Variants in SLK observed in about 807,000 individuals in gnomAD.
SLK encodes the protein STE20-like serine/threonine-protein kinase.
In SLK, 67 loss-of-function variants were observed where a neutral mutation model predicts 147.7. That is an observed-to-expected ratio of 0.45 (90% CI 0.37 to 0.56). The LOEUF is 0.56. Ranked by LOEUF, SLK falls within the 20% of genes least tolerant of loss-of-function variation. The pLI is 0.00. For missense variants in SLK, 1,136 were observed against 1,438.8 expected (o/e 0.79, Z 3.41); for synonymous variants, 441 against 475.0 (o/e 0.93, Z 0.93).
chr10:103,986,800 T>G (rs571082110), intron 1 of SLK, among the ~76,000 whole-genome samples: 1 of 150,270 alleles, frequency 6.7e-6, no homozygotes, highest in South Asian at 2.1e-4. Context: ...TGCCTCAGGC[T>G]CCCAAGTAGT....
chr10:104,006,072 G>A (rs779085024), intron 11 of SLK, 37 bp downstream of exon 11: 1 of 1,585,334 alleles, frequency 6.3e-7, no homozygotes, highest in African/African-American at 1.4e-5. Context: ...ATATCATTTT[G>A]TGTTAATAAT....
At chr10:104,021,254 G>C (rs1350111447) in intron 17 of SLK, among the ~76,000 whole-genome samples, 1 of 152,190 alleles carries the variant, frequency 6.6e-6, no homozygotes, top group African/African-American at 2.4e-5. Flanking sequence ...TACAGGAATA[G>C]ATCTATTAGG....
At chr10:104,018,945 T>C in intron 15 of SLK, 37 bp downstream of exon 15, 1 of 1,539,046 alleles carries the variant, frequency 6.5e-7, no homozygotes. Flanking sequence ...TTTTTGTTCG[T>C]TTTAAAGTTT....
intron 18 of SLK, among the ~76,000 whole-genome samples, chr10:104,024,188 G>A (rs565295250): frequency 3.3e-4 from 51 of 152,240 alleles, no homozygotes; most frequent in African/African-American, 1.2e-3. Flanking sequence ...TTTTCATAAT[G>A]TGTCTCCTTT....
intron 16 of SLK, among the ~76,000 whole-genome samples, chr10:104,020,225 G>C (rs1844517095): frequency 1.3e-5 from 2 of 152,126 alleles, no homozygotes; most frequent in South Asian, 4.1e-4. Context: ...CAAGATATAT[G>C]GCCTCACTGT....
intron 13 of SLK, among the ~76,000 whole-genome samples, chr10:104,017,200 C>T (rs909823617): frequency 1.3e-5 from 2 of 152,010 alleles, no homozygotes; most frequent in African/African-American, 2.4e-5. Flanking sequence ...TTAGTGAATC[C>T]GAAACATGTT....
chr10:104,018,149 G>GT lies in SLK; in HGVS notation c.2878-6dup. 6.3e-7 allele frequency: 1 copy of GT among 1,590,236 alleles called. No individual in the cohort carries two copies. Among genetic ancestry groups the GT allele is most frequent in the Non-Finnish European group, 8.6e-7 (1 of 1,168,734 alleles). On this transcript the variant is annotated splice_polypyrimidine_tract_variant and intron_variant, in intron 13 of 18. Transcript: ENST00000369755. ...GATACTTATTAACTGACAATTAACT[G>GT]TTTTTAATAGGAACAAGAGTTTGTT...
At chr10:104,006,409 T>G (rs948354833) in intron 11 of SLK, among the ~76,000 whole-genome samples, 7 of 152,326 alleles carry the variant, frequency 4.6e-5, no homozygotes, top group South Asian at 2.1e-4. Flanking sequence ...TAAGCCAGTT[T>G]AGAGCAATTG....
At position 104,010,860 on chromosome 10, in the gene SLK, G is replaced by C; in HGVS notation, c.2829G>C (p.Glu943Asp). 6.3e-7 allele frequency: 1 copy of C among 1,599,342 alleles called. No homozygotes were observed. The highest frequency in any genetic ancestry group is 8.5e-7 in the Non-Finnish European group (1 of 1,175,864). Residue 943 changes from glutamate (E) to aspartate (D), a missense_variant, in exon 13 of 19, where the codon GAG becomes GAC. Glu to Asp is a conservative substitution (Grantham distance 45, BLOSUM62 2). Coordinates refer to ENST00000369755, the MANE Select transcript of SLK (RefSeq NM_014720.4). ...AAGCACCCAAAGAGCTGAGAAAAGA[G>C]CTCATGAAACGCAGGAAAGAGGAGC... ...VEKAPKELRK[E>D]LMKRRKEELA...
intron 13 of SLK, among the ~76,000 whole-genome samples, chr10:104,013,041 A>C (rs1457261819): frequency 6.6e-6 from 1 of 152,236 alleles, no homozygotes; most frequent in Non-Finnish European, 1.5e-5. Flanking sequence ...AGTAGAGCTG[A>C]AAGTAATCAT....
At chr10:104,021,457 A>T (rs983678732) in intron 17 of SLK, among the ~76,000 whole-genome samples, 163 bp from the exon 18 acceptor site, 25 of 152,368 alleles carry the variant, frequency 1.6e-4, no homozygotes, top group African/African-American at 6.0e-4. Context: ...TGAAGCTATG[A>T]TTCATTTCCT....
intron 1 of SLK, among the ~76,000 whole-genome samples, chr10:103,974,276 C>T (rs1843830674): frequency 6.6e-6 from 1 of 151,934 alleles, no homozygotes; most frequent in Non-Finnish European, 1.5e-5. Context: ...CTTACTTGAC[C>T]TGTCATTACC....
At chr10:104,008,817 T>C (rs1844362750) in intron 12 of SLK, among the ~76,000 whole-genome samples, 1 of 152,236 alleles carries the variant, frequency 6.6e-6, no homozygotes, top group African/African-American at 2.4e-5. Context: ...TTTTCATCTT[T>C]AATTCATACT....
chr10:103,974,826 A>ATTTTTTTT lies in SLK; in HGVS notation c.150+6948_150+6955dup, dbSNP rs749565693. The ATTTTTTTT allele has an allele frequency of 3.6e-3, 202 of 55,484 alleles. 39 individuals carry two copies. The highest frequency in any genetic ancestry group is 0.017 in the Middle Eastern group (1 of 60). 3.4% of individuals were successfully genotyped at this position (55,484 alleles called of 1,614,324 possible). A position where few individuals can be genotyped will look rare whatever the true frequency, so the allele number is the denominator to read the frequency against. On this transcript the variant is annotated intron_variant, in intron 1 of 18. Coordinates refer to ENST00000369755, the MANE Select transcript of SLK (RefSeq NM_014720.4). ...CTACCACGCCCGGCTAATTTTTTCT[A>ATTTTTTTT]TTTTTTTTTTTTTTTTTTTTTTTTA... is the stretch of plus-strand genomic sequence containing the variant.
chr10:103,986,388 C>A (rs924500547), intron 1 of SLK, among the ~76,000 whole-genome samples: 1 of 152,108 alleles, frequency 6.6e-6, no homozygotes, highest in African/African-American at 2.4e-5. Flanking sequence ...AACCTAGATC[C>A]CTCACATACG....
At chr10:104,021,522 A>C in intron 17 of SLK, 98 bp from the exon 18 acceptor site, 1 of 656,074 alleles carries the variant, frequency 1.5e-6, no homozygotes, top group Non-Finnish European at 2.7e-6. Flanking sequence ...TAATAGCATG[A>C]TATTTGATGA....
At position 104,010,085 on chromosome 10, in the gene SLK, G is replaced by A. The variant is rs571376997; in HGVS notation, c.2785-731G>A. ...GGAGCTCTAAAATGTACTTCATTCT[G>A]TATTTTATCTGCTATAATAAATCAT... On this transcript the variant is annotated intron_variant, in intron 12 of 18. Transcript: ENST00000369755. Among the ~76,000 whole-genome samples, 163 of 152,174 alleles carry A rather than the reference G, an allele frequency of 1.1e-3. 2 individuals are homozygous for A. Among genetic ancestry groups the A allele is most frequent in the Middle Eastern group, 3.4e-3 (1 of 294 alleles).
rs1844209349 is a variant in SLK at position 103,998,899 on chromosome 10, C to T, written c.515C>T (p.Ala172Val). 8 of 1,606,766 alleles carry T rather than the reference C, an allele frequency of 5.0e-6. No homozygotes were observed. The highest frequency in any genetic ancestry group is 4.5e-5 in the East Asian group (2 of 44,770). Residue 172 changes from alanine to valine, a missense_variant and splice_region_variant, in exon 5 of 19, where the codon GCG (alanine) becomes GTG (valine). Ala to Val is a moderately conservative substitution (Grantham distance 64). This residue lies in a region of SLK where 141 missense variants were observed against 219.3 expected (regional missense o/e 0.64). Coordinates refer to ENST00000369755, the MANE Select transcript of SLK (RefSeq NM_014720.4). ...AATGCTTTTGTGTGATTATTTCAAG[C>T]GGATTTTGGAGTATCAGCTAAAAAC... is the stretch of plus-strand genomic sequence containing the variant. ...LFTLDGDIKL[A>V]DFGVSAKNTR...
At chr10:104,011,839 C>T (rs537383983) in intron 13 of SLK, among the ~76,000 whole-genome samples, 2 of 152,216 alleles carry the variant, frequency 1.3e-5, no homozygotes, top group East Asian at 1.9e-4. Context: ...GGATTACAGG[C>T]GTGAGCCACC....
Sources: gnomAD v4.1 joint callset for allele counts (sites outside exome capture counted in the v4.1 genomes callset) on GRCh38, gnomAD v4.1.1 for gene constraint, gnomAD v4.1.1 regional missense constraint, MANE v1.5 for transcripts, NCBI Gene and HGNC (gene_info 2026-07-23, HGNC 2026-07-21) for gene names.